The following PLXNA2 variants were observed in gnomAD, a reference collection of about 807,000 sequenced individuals.
The protein encoded by PLXNA2 is plexin-A2.
PLXNA2 carries 91 observed loss-of-function variants against 193.5 expected under a neutral mutation model. That is an observed-to-expected ratio of 0.47 (90% CI 0.40 to 0.56). PLXNA2 has a LOEUF of 0.56. Ranked by LOEUF, PLXNA2 falls within the 20% of genes least tolerant of loss-of-function variation. The pLI is 0.00. For missense variants in PLXNA2, 1,995 were observed against 2,503.2 expected (o/e 0.80, Z 4.33); for synonymous variants, 997 against 1,027.3 (o/e 0.97, Z 0.56).
intron 17 of PLXNA2, among the ~76,000 whole-genome samples, chr1:208,050,649 A>G (rs1213990885): frequency 6.6e-6 from 1 of 152,084 alleles, no homozygotes; most frequent in African/African-American, 2.4e-5. Context: ...CCTGGGCAAA[A>G]GAGAGAGACC....
At chr1:208,146,680 C>T (rs1438272451) in intron 3 of PLXNA2, among the ~76,000 whole-genome samples, 1 of 152,126 alleles carries the variant, frequency 6.6e-6, no homozygotes, top group African/African-American at 2.4e-5. Context: ...TAATAGCCAA[C>T]CAATTGAGTT....
chr1:208,173,879 TG>T (rs1186578496), intron 3 of PLXNA2, among the ~76,000 whole-genome samples: 2 of 152,258 alleles, frequency 1.3e-5, no homozygotes, highest in Non-Finnish European at 2.9e-5. Flanking sequence ...CAACATCTGC[TG>T]CTGCTTGCTC....
intron 3 of PLXNA2, among the ~76,000 whole-genome samples, chr1:208,178,920 G>T (rs1001179826): frequency 6.6e-6 from 1 of 152,250 alleles, no homozygotes; most frequent in Non-Finnish European, 1.5e-5. Flanking sequence ...GCAAGCTTAA[G>T]TTTGAGAACA....
rs1248350171 is a variant in PLXNA2 at position 208,027,034 on chromosome 1, T to C, written c.*209A>G. ...GGTTCTCTGGTGTTCTCACTGAGGA[T>C]GGACGACGCCCACTGTCTCTCCCAG... On this transcript the variant is annotated 3_prime_UTR_variant, in exon 32 of 32. Transcript: ENST00000367033. The C allele has an allele frequency of 9.8e-6, 5 of 508,438 alleles. No individual in the cohort carries two copies. The highest frequency in any genetic ancestry group is 7.7e-5 in the African/African-American group (4 of 52,024). 31.5% of individuals were successfully genotyped at this position (508,438 alleles called of 1,614,324 possible). A position where few individuals can be genotyped will look rare whatever the true frequency, so the allele number is the denominator to read the frequency against.
chr1:208,210,509 G>C, intron 2 of PLXNA2, 47 bp from the exon 3 acceptor site: 1 of 1,531,052 alleles, frequency 6.5e-7, no homozygotes, highest in Non-Finnish European at 8.9e-7. Context: ...TGGAGGCATG[G>C]TGAAGTCTCT....
intron 1 of PLXNA2, among the ~76,000 whole-genome samples, chr1:208,233,752 T>C (rs1413187496): frequency 1.3e-5 from 2 of 152,230 alleles, no homozygotes; most frequent in Non-Finnish European, 2.9e-5. Flanking sequence ...CTGTGAATGC[T>C]GAGTCTATAG....
At chr1:208,164,521 T>C (rs1196448917) in intron 3 of PLXNA2, among the ~76,000 whole-genome samples, 7 of 152,214 alleles carry the variant, frequency 4.6e-5, no homozygotes, top group Non-Finnish European at 1.0e-4. Context: ...AGAAATACTT[T>C]CTTTCCAAAT....
rs1206542411 is a variant in PLXNA2 at position 208,030,965 on chromosome 1, G to A, written c.5225+625C>T. ...TCTGGTTGCAGAGATGACTTTAGGGGAGAGAGTCATGCCTGCAGGGCATTC... is the reference window on the plus strand; with the variant it reads ...TCTGGTTGCAGAGATGACTTTAGGGAAGAGAGTCATGCCTGCAGGGCATTC... On this transcript the variant is annotated intron_variant, in intron 29 of 31. Coordinates refer to ENST00000367033, the MANE Select transcript of PLXNA2 (RefSeq NM_025179.4). The A allele has an allele frequency of 4.1e-6, 4 of 987,484 alleles. No homozygotes were observed. In the African/African-American group the frequency reaches 5.2e-5, roughly 13 times the overall value. The allele number at this position is 987,484 out of a possible 1,614,324, so 61.2% of individuals were successfully genotyped here. A position where few individuals can be genotyped will look rare whatever the true frequency, so the allele number is the denominator to read the frequency against.
intron 4 of PLXNA2, among the ~76,000 whole-genome samples, chr1:208,122,242 C>T (rs897370975): frequency 6.6e-6 from 1 of 152,168 alleles, no homozygotes; most frequent in Non-Finnish European, 1.5e-5. Flanking sequence ...CAGTTTGGAA[C>T]CCCATCAAAT....
rs141984055 is a variant in PLXNA2, at chr1:208,108,647, C to A, written c.1507-5400G>T. On this transcript the variant is annotated intron_variant, in intron 4 of 31. Coordinates refer to ENST00000367033, the MANE Select transcript of PLXNA2 (RefSeq NM_025179.4). The stretch of plus-strand genomic sequence containing the variant: ...TCTGACAGTGGATCATGCCGGAGGC[C>A]CATTTAGTCCTTAAACATCTACTGA... Among the ~76,000 whole-genome samples, 245 of 152,258 alleles carry A rather than the reference C, an allele frequency of 1.6e-3. 2 individuals carry two copies. The highest frequency in any genetic ancestry group is 7.5e-3 in the South Asian group (36 of 4,820).
chr1:208,098,849 C>G lies in PLXNA2; in HGVS notation c.1728G>C (p.Arg576=), dbSNP rs1391252076. 1 of 1,613,550 alleles carries G rather than the reference C, an allele frequency of 6.2e-7. No homozygotes were observed. The highest frequency in any genetic ancestry group is 1.7e-5 in the Admixed American group (1 of 59,954). Residue 576 remains arginine (R), a synonymous_variant, in exon 6 of 32, where the codon CGG becomes CGC. Coordinates refer to ENST00000367033, the MANE Select transcript of PLXNA2 (RefSeq NM_025179.4). ...PSSISVSEHS[R]LLSLVVSDAP... Reference sequence around the variant, plus strand: ...TGCCCCTGGATGAGTTACTTACCAACCGGCTGTGCTCAGATACTGAGATGC... The same window carrying G: ...TGCCCCTGGATGAGTTACTTACCAAGCGGCTGTGCTCAGATACTGAGATGC...
At chr1:208,188,706 T>G (rs1670081703) in intron 3 of PLXNA2, among the ~76,000 whole-genome samples, 1 of 139,130 alleles carries the variant, frequency 7.2e-6, no homozygotes, top group Non-Finnish European at 1.5e-5. Flanking sequence ...TGAAACTCTG[T>G]CTCAAAAAAA....
At chr1:208,033,553 A>C in intron 27 of PLXNA2, 44 bp from the exon 28 acceptor site, 1 of 1,497,984 alleles carries the variant, frequency 6.7e-7, no homozygotes, top group Non-Finnish European at 9.1e-7. Flanking sequence ...AACAGTCACC[A>C]GCCTTGCTTG....
chr1:208,220,261 G>T (rs1471469552), intron 1 of PLXNA2, among the ~76,000 whole-genome samples: 1 of 152,120 alleles, frequency 6.6e-6, no homozygotes, highest in Non-Finnish European at 1.5e-5. Flanking sequence ...CAGAATCTGG[G>T]AACAAATTTG....
intron 9 of PLXNA2, among the ~76,000 whole-genome samples, chr1:208,090,554 C>G (rs888337078): frequency 6.6e-6 from 1 of 152,188 alleles, no homozygotes. Flanking sequence ...GCTCAGCTCT[C>G]TGGCCTCCAC....
At chr1:208,207,227 A>T (rs984966234) in intron 3 of PLXNA2, among the ~76,000 whole-genome samples, 2 of 152,136 alleles carry the variant, frequency 1.3e-5, no homozygotes, top group African/African-American at 4.8e-5. Flanking sequence ...GCTGGTCTTG[A>T]ACTCCTGACC....
chr1:208,095,933 A>T, intron 8 of PLXNA2, 96 bp downstream of exon 8: 1 of 905,102 alleles, frequency 1.1e-6, no homozygotes, highest in South Asian at 1.4e-5. Context: ...GGTGACTACA[A>T]CGTGGTTCCT....
intron 2 of PLXNA2, among the ~76,000 whole-genome samples, chr1:208,211,716 T>C (rs926226842): frequency 3.4e-5 from 5 of 149,118 alleles, no homozygotes; most frequent in African/African-American, 1.2e-4. Flanking sequence ...AAAAAATTGC[T>C]GGAAAGAAAG....
intron 3 of PLXNA2, among the ~76,000 whole-genome samples, chr1:208,194,509 T>C (rs575244669): frequency 2.0e-5 from 3 of 146,772 alleles, no homozygotes; most frequent in Non-Finnish European, 4.5e-5. Context: ...ACATGCAGTA[T>C]AATATCTACC....
Sources: gnomAD v4.1 joint callset for allele counts (sites outside exome capture counted in the v4.1 genomes callset) on GRCh38, gnomAD v4.1.1 for gene constraint, MANE v1.5 for transcripts, NCBI Gene and HGNC (gene_info 2026-07-23, HGNC 2026-07-21) for gene names.